OTULIN: variants seen among roughly 807,000 people sequenced by gnomAD.
OTULIN encodes ubiquitin thioesterase otulin.
A neutral mutation model predicts 39.6 loss-of-function variants in OTULIN; 15 were observed. The ratio of observed to expected loss-of-function variants is 0.38; its 90% CI spans 0.25 to 0.58. The LOEUF (loss-of-function observed/expected upper bound fraction) is 0.58. Among genes scored for constraint, OTULIN ranks in the 20% least tolerant of loss-of-function variants. The pLI is 0.66. For missense variants in OTULIN, 319 were observed against 445.9 expected, an observed-to-expected ratio of 0.72 and a Z score of 2.56; for synonymous variants, 156 against 170.3, an observed-to-expected ratio of 0.92 and a Z score of 0.65.
the OTULIN span, chr5:14,707,506 A>G: frequency 6.6e-6 from 1 of 152,204 alleles, no homozygotes; most frequent in Non-Finnish European, 1.5e-5. Flanking sequence ...TGTAATGATT[A>G]TTCCAACCAG....
Position 14,695,288 on chromosome 5 carries a change from T to C in OTULIN, c.*2240T>C, listed in dbSNP as rs1262179083. On this transcript the variant is annotated 3_prime_UTR_variant, in exon 7 of 7. Coordinates refer to ENST00000284274, the MANE Select transcript of OTULIN (RefSeq NM_138348.6). ...AAATAATTTTTTTTTAATTGCAATA[T>C]GCAGCTTCAGTTGCCCAGAATCTTA... The C allele has an allele frequency of 6.6e-6, 1 of 152,206 alleles. No homozygotes were observed. The highest frequency in any genetic ancestry group is 1.9e-4 in the East Asian group (1 of 5,202). The allele number at this position is 152,206 out of a possible 1,614,324, so 9.4% of individuals were successfully genotyped here.
intron 3 of OTULIN, 34 bp from the exon 4 acceptor site, chr5:14,681,430 C>T (rs762108193): frequency 1.8e-5 from 28 of 1,574,032 alleles, no homozygotes; most frequent in South Asian, 1.6e-4. Flanking sequence ...AAGTCAGTAA[C>T]GACCATTTTG....
rs1018147706 is a variant in OTULIN at position 14,687,441 on chromosome 5, G to C, written c.469-80G>C. On this transcript the variant is annotated intron_variant, in intron 4 of 6. Transcript: ENST00000284274. The stretch of plus-strand genomic sequence containing the variant: ...CAAAGTTAGGTTTTATAGACTTTGT[G>C]GTTTCTTACAGCTTGGATTGTGTGG... The C allele has an allele frequency of 3.4e-6, 5 of 1,489,444 alleles. No homozygotes were observed. In the Admixed American group the frequency reaches 8.6e-5, roughly 26 times the overall value. The allele number at this position is 1,489,444 out of a possible 1,614,324, so 92.3% of individuals were successfully genotyped here.
chr5:14,700,118 G>C (rs755004454), downstream of OTULIN, among the ~76,000 whole-genome samples: 2 of 152,190 alleles, frequency 1.3e-5, no homozygotes, highest in African/African-American at 2.4e-5. Context: ...ACCATTTTCA[G>C]GTCCTTTCCT....
At chr5:14,711,305 C>T in the OTULIN span, 1 of 1,614,064 alleles carries the variant, frequency 6.2e-7, no homozygotes, top group Non-Finnish European at 8.5e-7. Flanking sequence ...TCTCCATCTT[C>T]TTTTTCTAGA....
the OTULIN span, chr5:14,710,885 G>T: frequency 2.6e-6 from 1 of 388,240 alleles, no homozygotes; most frequent in Non-Finnish European, 4.9e-6. Context: ...AGAGGAGATT[G>T]TCCAGGGGAG....
Position 14,698,243 on chromosome 5 carries a change from G to A in OTULIN, c.*5195G>A, listed in dbSNP as rs1329564990. On this transcript the variant is annotated 3_prime_UTR_variant, in exon 7 of 7. Transcript: ENST00000284274. Reference sequence around the variant, plus strand: ...GATGGTGTTTTTCTTCCATGGGTAAGCCATTGTGAATGGAGGCTGGTGGAG... The same window carrying A: ...GATGGTGTTTTTCTTCCATGGGTAAACCATTGTGAATGGAGGCTGGTGGAG... 1 of 152,264 alleles carries A rather than the reference G, an allele frequency of 6.6e-6. No individual in the cohort carries two copies. Among genetic ancestry groups the A allele is most frequent in the Non-Finnish European group, 1.5e-5 (1 of 68,050 alleles). 9.4% of individuals were successfully genotyped at this position (152,264 alleles called of 1,614,324 possible).
chr5:14,666,222 G>A (rs144417884), intron 1 of OTULIN, among the ~76,000 whole-genome samples: 3 of 152,196 alleles, frequency 2.0e-5, no homozygotes, highest in African/African-American at 7.2e-5. Flanking sequence ...TTTGAAGCCA[G>A]ACCATGTTCT....
intron 1 of OTULIN, among the ~76,000 whole-genome samples, chr5:14,665,998 C>G (rs1419177706): frequency 6.6e-6 from 1 of 152,198 alleles, no homozygotes; most frequent in Non-Finnish European, 1.5e-5. Context: ...ATATCCAAAT[C>G]ATATCAGAGA....
At position 14,693,020 on chromosome 5, in the gene OTULIN, T is replaced by C; in HGVS notation, c.1031T>C (p.Val344Ala). The C allele has an allele frequency of 6.2e-7, 1 of 1,613,698 alleles. No individual in the cohort carries two copies. Among genetic ancestry groups the C allele is most frequent in the Non-Finnish European group, 8.5e-7 (1 of 1,179,788 alleles). ...AEDDRHYNIP[V>A]RVCEETSL ...GACGATCGGCACTATAACATCCCCG[T>C]CAGAGTGTGTGAGGAGACCAGTCTA... The change falls in exon 7 of 7, where the codon GTC becomes GCC. Residue 344 changes from valine to alanine, a missense_variant. This residue lies in a region of OTULIN where 106 missense variants were observed against 192.8 expected (regional missense o/e 0.55). Coordinates refer to ENST00000284274, the MANE Select transcript of OTULIN (RefSeq NM_138348.6).
the OTULIN span, among the ~76,000 whole-genome samples, chr5:14,712,555 G>A: frequency 2.6e-5 from 4 of 152,226 alleles, no homozygotes; most frequent in Non-Finnish European, 5.9e-5. Flanking sequence ...GCATGTCTGC[G>A]GGTCATTCCC....
At chr5:14,680,944 C>T (rs1316795850) in intron 3 of OTULIN, among the ~76,000 whole-genome samples, 1 of 152,116 alleles carries the variant, frequency 6.6e-6, no homozygotes, top group Non-Finnish European at 1.5e-5. Context: ...CCTGTAATCC[C>T]AGTTACTCAG....
intron 2 of OTULIN, among the ~76,000 whole-genome samples, chr5:14,675,027 A>G (rs1736069808): frequency 6.6e-6 from 1 of 152,204 alleles, no homozygotes; most frequent in African/African-American, 2.4e-5. Flanking sequence ...ATGATTTCTC[A>G]TTGAAATTCT....
At chr5:14,705,267 G>A in the OTULIN span, 12 of 151,888 alleles carry the variant, frequency 7.9e-5, no homozygotes, top group Admixed American at 1.3e-4. Flanking sequence ...ATGACTCTAA[G>A]CACACTTAAT....
chr5:14,703,073 A>G (rs955951884), downstream of OTULIN, among the ~76,000 whole-genome samples: 3 of 152,172 alleles, frequency 2.0e-5, no homozygotes, highest in Non-Finnish European at 2.9e-5. Context: ...TGTAGAGGAC[A>G]GGAGGCTGAT....
chr5:14,704,459 A>G (rs1252959199), downstream of OTULIN, among the ~76,000 whole-genome samples: 1 of 152,168 alleles, frequency 6.6e-6, no homozygotes, highest in Non-Finnish European at 1.5e-5. Flanking sequence ...GGCTCACCAA[A>G]CACTTGCTTC....
chr5:14,694,119 G>A lies in OTULIN; in HGVS notation c.*1071G>A, dbSNP rs1736604743. 1 of 152,268 alleles carries A rather than the reference G, an allele frequency of 6.6e-6. No homozygotes were observed. The highest frequency in any genetic ancestry group is 6.5e-5 in the Admixed American group (1 of 15,278). 9.4% of individuals were successfully genotyped at this position (152,268 alleles called of 1,614,324 possible). ...TCTGTGTAACCCGTCTGGGTCAGGG[G>A]ATGAGTGACAGCAAACCATCTTAAA... On this transcript the variant is annotated 3_prime_UTR_variant, in exon 7 of 7. Coordinates refer to ENST00000284274, the MANE Select transcript of OTULIN (RefSeq NM_138348.6).
At chr5:14,681,268 AAC>A (rs1230037777) in intron 3 of OTULIN, among the ~76,000 whole-genome samples, 194 bp from the exon 4 acceptor site, 2 of 151,882 alleles carry the variant, frequency 1.3e-5, no homozygotes, top group African/African-American at 2.4e-5. Context: ...GGTCATTTGA[AAC>A]ACAGAGTAAA....
the OTULIN span, among the ~76,000 whole-genome samples, chr5:14,711,482 G>A: frequency 5.3e-5 from 8 of 152,176 alleles, no homozygotes; most frequent in Non-Finnish European, 1.0e-4. Context: ...TGTGTTCCTT[G>A]CAGTTTGGTT....
Sources: allele counts gnomAD v4.1 joint callset (sites outside exome capture counted in the v4.1 genomes callset), GRCh38; gene constraint gnomAD v4.1.1; regional missense constraint gnomAD v4.1.1; transcripts MANE v1.5; gene names NCBI Gene and HGNC (gene_info 2026-07-23, HGNC 2026-07-21).